ERG: variants seen among roughly 807,000 people sequenced by gnomAD.
ERG encodes the protein transcriptional regulator ERG.
A neutral mutation model predicts 55.3 loss-of-function variants in ERG; 9 were observed. That is an observed-to-expected ratio of 0.16 (90% CI 0.10 to 0.28). The LOEUF (loss-of-function observed/expected upper bound fraction) is 0.28. ERG is among the 10% of genes least tolerant of loss of function. The probability of loss-of-function intolerance (pLI) is 1.00; values close to 1 mark genes in which losing one functional copy is unlikely to be tolerated. For synonymous variants in ERG, 223 were observed against 237.3 expected, an observed-to-expected ratio of 0.94 and a Z score of 0.55; for missense variants, 434 against 631.6, an observed-to-expected ratio of 0.69 and a Z score of 3.35.
intron 1 of ERG, among the ~76,000 whole-genome samples, chr21:38,632,342 T>C (rs889324507): frequency 2.0e-5 from 3 of 152,184 alleles, no homozygotes; most frequent in African/African-American, 7.2e-5. Flanking sequence ...CCCATTAGGA[T>C]GAACACTATA....
intron 1 of ERG, among the ~76,000 whole-genome samples, chr21:38,602,116 T>C (rs2060167804): frequency 6.6e-6 from 1 of 152,202 alleles, no homozygotes. Context: ...TTTTAACTTT[T>C]GGCTCTTTCA....
chr21:38,413,946 T>C (rs771931446), intron 3 of ERG, among the ~76,000 whole-genome samples: 2 of 152,194 alleles, frequency 1.3e-5, no homozygotes, highest in African/African-American at 2.4e-5. Context: ...GTTTGAACTA[T>C]AACATGCATG....
intron 2 of ERG, among the ~76,000 whole-genome samples, chr21:38,511,111 C>T (rs981788811): frequency 1.1e-4 from 17 of 152,118 alleles, no homozygotes; most frequent in African/African-American, 3.6e-4. Flanking sequence ...ATGTTTCCCC[C>T]TGAATTTTCA....
chr21:38,607,428 C>T (rs1451183199), intron 1 of ERG, among the ~76,000 whole-genome samples: 1 of 152,114 alleles, frequency 6.6e-6, no homozygotes, highest in Non-Finnish European at 1.5e-5. Flanking sequence ...GTCAGAAGAT[C>T]GAGACCATCC....
chr21:38,598,372 G>A (rs2060144338), intron 1 of ERG, among the ~76,000 whole-genome samples: 1 of 152,220 alleles, frequency 6.6e-6, no homozygotes, highest in African/African-American at 2.4e-5. Context: ...GCAGCAGAGT[G>A]CAGGCACAGA....
chr21:38,551,170 T>A (rs1191430464), intron 2 of ERG, among the ~76,000 whole-genome samples: 2 of 149,656 alleles, frequency 1.3e-5, no homozygotes, highest in African/African-American at 4.9e-5. Context: ...TTTTTTTTTA[T>A]TTCTGTGGGT....
intron 6 of ERG, among the ~76,000 whole-genome samples, chr21:38,395,060 A>G (rs1368866699): frequency 6.6e-6 from 1 of 152,216 alleles, no homozygotes; most frequent in Non-Finnish European, 1.5e-5. Flanking sequence ...TTAACACCAA[A>G]CAGTCTACTT....
At chr21:38,601,848 C>T (rs1212933877) in intron 1 of ERG, among the ~76,000 whole-genome samples, 1 of 152,140 alleles carries the variant, frequency 6.6e-6, no homozygotes, top group Non-Finnish European at 1.5e-5. Flanking sequence ...GCTTAACCAG[C>T]ACTTTTTTAA....
the ERG span, among the ~76,000 whole-genome samples, chr21:38,372,692 G>T: frequency 6.6e-6 from 1 of 151,838 alleles, no homozygotes; most frequent in East Asian, 1.9e-4. Context: ...ATTTAAATGT[G>T]TTGTGATTTT....
intron 1 of ERG, among the ~76,000 whole-genome samples, chr21:38,651,662 T>C (rs2060489544): frequency 6.6e-6 from 1 of 152,182 alleles, no homozygotes; most frequent in Admixed American, 6.5e-5. Flanking sequence ...AAACTACCCT[T>C]GAAGTTCATG....
At chr21:38,481,422 T>C (rs2059237450) in intron 1 of ERG, among the ~76,000 whole-genome samples, 1 of 152,220 alleles carries the variant, frequency 6.6e-6, no homozygotes, top group Admixed American at 6.5e-5. Context: ...ATCAAGATAA[T>C]AGAATACTTC....
At position 38,410,966 on chromosome 21, in the gene ERG, A is replaced by G. The variant is rs567324779; in HGVS notation, c.389-7257T>C. Among the ~76,000 whole-genome samples, 294 of 152,352 alleles carry G rather than the reference A, an allele frequency of 1.9e-3. 2 individuals carry two copies. Among genetic ancestry groups the G allele is most frequent in the Non-Finnish European group, 1.5e-3 (100 of 68,036 alleles). ...CTAAAATGTACCTCTAAGCCATATC[A>G]CAAGCCTAGTGAGGTGTTTGTTTAT... On this transcript the variant is annotated intron_variant, in intron 3 of 9. Coordinates refer to ENST00000288319, the MANE Select transcript of ERG (RefSeq NM_182918.4).
intron 1 of ERG, among the ~76,000 whole-genome samples, chr21:38,581,989 G>A (rs1196346748): frequency 1.4e-5 from 2 of 146,040 alleles, no homozygotes; most frequent in African/African-American, 2.6e-5. Flanking sequence ...GTTGCAGTGA[G>A]CCGAGATCGT....
rs2146411667 is a variant in ERG at position 38,383,609 on chromosome 21, G to A, written c.1234C>T (p.Pro412Ser). 1 of 1,613,846 alleles carries A rather than the reference G, an allele frequency of 6.2e-7. No homozygotes were observed. The highest frequency in any genetic ancestry group is 2.2e-5 in the East Asian group (1 of 44,866). Residue 412 changes from proline to serine, a missense_variant, in exon 10 of 10, where the codon CCC becomes TCC. Coordinates refer to ENST00000288319, the MANE Select transcript of ERG (RefSeq NM_182918.4). The surrounding 1 kb of genome is among the most constrained non-coding windows in gnomAD (Gnocchi z 5.7). Reference sequence around the variant, plus strand: ...GAGCCCATGTACGGGAGGTCTGAGGGGTACTTGTACAGAGATGACTCCGGG... The same window carrying A: ...GAGCCCATGTACGGGAGGTCTGAGGAGTACTTGTACAGAGATGACTCCGGG... ...HPPESSLYKYPSDLPYMGSYH... is the reference protein window; with the variant it reads ...HPPESSLYKYSSDLPYMGSYH...
At chr21:38,527,431 G>A (rs1043774868) in intron 2 of ERG, among the ~76,000 whole-genome samples, 1 of 152,210 alleles carries the variant, frequency 6.6e-6, no homozygotes, top group Non-Finnish European at 1.5e-5. Flanking sequence ...GCTGGCTGAG[G>A]ACAGAGAGAA....
intron 3 of ERG, among the ~76,000 whole-genome samples, chr21:38,411,090 G>A (rs945936334): frequency 7.2e-5 from 11 of 152,272 alleles, no homozygotes; most frequent in Non-Finnish European, 1.6e-4. Flanking sequence ...GAGGACAGAA[G>A]TTACATTTAT....
chr21:38,494,110 A>G (rs1010948083), intron 1 of ERG, among the ~76,000 whole-genome samples: 4 of 152,204 alleles, frequency 2.6e-5, no homozygotes, highest in African/African-American at 9.7e-5. Context: ...GGGTCACAAC[A>G]GGAAGGAAGC....
At chr21:38,628,945 AC>A (rs1401994358) in intron 1 of ERG, among the ~76,000 whole-genome samples, 2 of 152,190 alleles carry the variant, frequency 1.3e-5, no homozygotes, top group East Asian at 3.8e-4. Flanking sequence ...TTTCCTCCAA[AC>A]CTTTCTAAAC....
At chr21:38,461,526 G>A (rs2059042491) in intron 1 of ERG, among the ~76,000 whole-genome samples, 1 of 152,154 alleles carries the variant, frequency 6.6e-6, no homozygotes, top group Admixed American at 6.5e-5. Flanking sequence ...GCCTAGCACA[G>A]TGCCAGGTAC....
Sources: gnomAD v4.1 joint callset for allele counts (sites outside exome capture counted in the v4.1 genomes callset) on GRCh38, gnomAD v4.1.1 for gene constraint, Gnocchi (gnomAD v3.1) non-coding constraint, MANE v1.5 for transcripts, NCBI Gene and HGNC (gene_info 2026-07-23, HGNC 2026-07-21) for gene names.